Variants in ERI1 observed in about 807,000 individuals in gnomAD.
The protein encoded by ERI1 is exoribonuclease 1, also known as 3'-5' exoribonuclease 1.
Under a neutral mutation model 39.7 loss-of-function variants are expected in ERI1, and 39 were observed. The ratio of observed to expected loss-of-function variants is 0.98; its 90% CI spans 0.76 to 1.28. The LOEUF (loss-of-function observed/expected upper bound fraction) is 1.28. ERI1 is among the 50% of genes most tolerant of loss of function. ERI1 has a pLI of 0.00. For synonymous variants in ERI1, 204 were observed against 149.6 expected, an observed-to-expected ratio of 1.36 and a Z score of -2.65; for missense variants, 581 against 416.9, an observed-to-expected ratio of 1.39 and a Z score of -3.43.
chr8:9,028,973 G>GTTTTTTT (rs34569795), intron 6 of ERI1, among the ~76,000 whole-genome samples: 32 of 113,090 alleles, frequency 2.8e-4, no homozygotes, highest in African/African-American at 1.0e-3. Context: ...GAGTGTGAGA[G>GTTTTTTT]TTTTTTTTTT....
chr8:9,033,805 G>A (rs1204046465), downstream of ERI1, among the ~76,000 whole-genome samples: 1 of 152,178 alleles, frequency 6.6e-6, no homozygotes, highest in African/African-American at 2.4e-5. Flanking sequence ...GTAGACTTTG[G>A]CTTAACCTGA....
intron 3 of ERI1, among the ~76,000 whole-genome samples, chr8:9,063,931 G>T (rs1798783593): frequency 6.6e-6 from 1 of 151,908 alleles, no homozygotes; most frequent in Non-Finnish European, 1.5e-5. Context: ...AGGGTGGAAG[G>T]TTGCCCATAG....
Position 9,092,153 on chromosome 8 carries a change from C to T in ERI1, n.300-24195C>T, listed in dbSNP as rs368150989. Among the ~76,000 whole-genome samples, 4 of 152,126 alleles carry T rather than the reference C, an allele frequency of 2.6e-5. No individual in the cohort carries two copies. In the East Asian group the frequency reaches 5.8e-4, roughly 22 times the overall value. On this transcript the variant is annotated intron_variant and non_coding_transcript_variant, in intron 3 of 3. Coordinates refer to the ERI1 transcript ENST00000518663. Reference sequence around the variant, plus strand: ...TGTAGTTTTTGTAGAGAAAGGGTTTCGCCATGTTGCCCAGGCTGGTCTCAA... The same window carrying T: ...TGTAGTTTTTGTAGAGAAAGGGTTTTGCCATGTTGCCCAGGCTGGTCTCAA...
At chr8:9,035,494 C>T (rs1290839372), downstream of ERI1, among the ~76,000 whole-genome samples, 1 of 152,144 alleles carries the variant, frequency 6.6e-6, no homozygotes, top group Non-Finnish European at 1.5e-5. Flanking sequence ...GCCTGAATGA[C>T]AGCACATCTG....
chr8:9,034,008 G>A (rs1346497402), downstream of ERI1, among the ~76,000 whole-genome samples: 3 of 152,228 alleles, frequency 2.0e-5, no homozygotes, highest in Non-Finnish European at 2.9e-5. Context: ...CGGAGATGGG[G>A]ATAAGTGGAG....
chr8:9,014,481 T>C (rs182928566), intron 3 of ERI1, among the ~76,000 whole-genome samples: 107 of 152,336 alleles, frequency 7.0e-4, no homozygotes, highest in African/African-American at 2.4e-3. Flanking sequence ...TAGCTGGGAT[T>C]ACAGGCACCC....
intron 3 of ERI1, among the ~76,000 whole-genome samples, chr8:9,069,156 G>A (rs992848718): frequency 6.6e-6 from 1 of 152,134 alleles, no homozygotes; most frequent in Admixed American, 6.5e-5. Flanking sequence ...GGGTTGTGGG[G>A]TTAACGGTTT....
At chr8:9,023,582 G>A (rs1040763376) in intron 6 of ERI1, among the ~76,000 whole-genome samples, 1 of 151,888 alleles carries the variant, frequency 6.6e-6, no homozygotes, top group Admixed American at 6.6e-5. Flanking sequence ...TTGTTAGCCT[G>A]CTCTTTTTGT....
rs745453939 is a variant in ERI1, at chr8:9,030,058, TC to T, written c.*26del. ...AACAACAGTTTTGTGTGTGGATCAT[TC>T]CAATTGAAGTTGCTATGAAGAGGTA... On this transcript the variant is annotated 3_prime_UTR_variant, in exon 7 of 7. Coordinates refer to ENST00000250263, the MANE Select transcript of ERI1 (RefSeq NM_153332.4). 16 of 1,608,542 alleles carry T rather than the reference TC, an allele frequency of 9.9e-6. No homozygotes were observed. The East Asian group carries it at 3.1e-4, about 31-fold the overall frequency.
intron 3 of ERI1, among the ~76,000 whole-genome samples, chr8:9,050,899 C>A (rs992073282): frequency 6.6e-6 from 1 of 152,042 alleles, no homozygotes; most frequent in Non-Finnish European, 1.5e-5. Context: ...CAGGGCAGCA[C>A]CTTTGGATGG....
chr8:9,071,066 A>T (rs1799033235), intron 3 of ERI1, among the ~76,000 whole-genome samples: 2 of 152,144 alleles, frequency 1.3e-5, no homozygotes, highest in Non-Finnish European at 2.9e-5. Context: ...CAGTTTCCCA[A>T]AGCAACATAT....
chr8:9,097,447 G>A (rs1193850398), intron 3 of ERI1, among the ~76,000 whole-genome samples: 2 of 152,106 alleles, frequency 1.3e-5, no homozygotes, highest in East Asian at 3.9e-4. Flanking sequence ...TGGATCTCCT[G>A]AGTATCACAG....
intron 3 of ERI1, among the ~76,000 whole-genome samples, chr8:9,052,993 C>G (rs537165359): frequency 6.6e-6 from 1 of 152,208 alleles, no homozygotes; most frequent in African/African-American, 2.4e-5. Context: ...TCACTAGTGG[C>G]TAATGATTTA....
chr8:9,018,655 T>A (rs1352345631), intron 5 of ERI1, among the ~76,000 whole-genome samples: 1 of 152,176 alleles, frequency 6.6e-6, no homozygotes, highest in South Asian at 2.1e-4. Flanking sequence ...TTGCTAAAAC[T>A]CTGTTTTTTC....
chr8:9,010,789 T>C (rs1816585698), intron 2 of ERI1, among the ~76,000 whole-genome samples: 3 of 152,228 alleles, frequency 2.0e-5, no homozygotes, highest in East Asian at 1.9e-4. Flanking sequence ...ATCACTGTTA[T>C]CTGTTAGGAT....
intron 3 of ERI1, among the ~76,000 whole-genome samples, chr8:9,014,761 T>C (rs80044165): frequency 3.9e-5 from 6 of 152,364 alleles, no homozygotes; most frequent in East Asian, 3.9e-4. Context: ...TTATCTGTGA[T>C]ATGCAGTTAA....
intron 6 of ERI1, among the ~76,000 whole-genome samples, chr8:9,028,909 C>G (rs1389594411): frequency 2.0e-5 from 3 of 151,480 alleles, no homozygotes; most frequent in Non-Finnish European, 4.4e-5. Flanking sequence ...CAGGCGTGAG[C>G]TACCACACCC....
chr8:9,059,818 A>G (rs973802943), intron 3 of ERI1, among the ~76,000 whole-genome samples: 2 of 152,220 alleles, frequency 1.3e-5, no homozygotes, highest in Non-Finnish European at 1.5e-5. Context: ...AGAGCAGGGC[A>G]TGTATGAGTA....
chr8:9,024,753 T>C (rs554650335), intron 6 of ERI1, among the ~76,000 whole-genome samples: 117 of 152,166 alleles, frequency 7.7e-4, no homozygotes, highest in Non-Finnish European at 1.1e-3. Context: ...CCTATGTATA[T>C]GCATTACAAT....
Sources: gnomAD v4.1 joint callset for allele counts (sites outside exome capture counted in the v4.1 genomes callset) on GRCh38, gnomAD v4.1.1 for gene constraint, MANE v1.5 for transcripts, NCBI Gene and HGNC (gene_info 2026-07-23, HGNC 2026-07-21) for gene names.